KLHL32: variants seen among roughly 807,000 people sequenced by gnomAD.
KLHL32 encodes kelch-like protein 32.
KLHL32 carries 35 observed loss-of-function variants against 64.8 expected under a neutral mutation model. The ratio of observed to expected loss-of-function variants is 0.54; its 90% CI spans 0.41 to 0.72. The LOEUF (loss-of-function observed/expected upper bound fraction) is 0.72. Among genes scored for constraint, KLHL32 ranks in the 30% least tolerant of loss-of-function variants. The probability of loss-of-function intolerance (pLI) is 0.00; values close to 1 mark genes in which losing one functional copy is unlikely to be tolerated. For missense variants in KLHL32, 589 were observed against 768.5 expected (o/e 0.77, Z 2.76); for synonymous variants, 259 against 281.0 (o/e 0.92, Z 0.78).
At chr6:96,992,394 T>C (rs1341856389) in intron 3 of KLHL32, among the ~76,000 whole-genome samples, 2 of 152,236 alleles carry the variant, frequency 1.3e-5, no homozygotes, top group African/African-American at 2.4e-5. Flanking sequence ...GTGGATTGTA[T>C]TGCTTCCTTG....
upstream of KLHL32, among the ~76,000 whole-genome samples, chr6:96,924,175 A>G (rs1183554930): frequency 2.0e-5 from 3 of 152,198 alleles, no homozygotes; most frequent in African/African-American, 7.2e-5. Flanking sequence ...GGGCCACTGT[A>G]GGGCCGCTAG....
At chr6:96,994,448 G>C (rs1183377687) in intron 3 of KLHL32, 2 of 961,840 alleles carry the variant, frequency 2.1e-6, no homozygotes, top group Non-Finnish European at 2.5e-6. Flanking sequence ...ATATGTTCAA[G>C]TTAATTAAGT....
intron 3 of KLHL32, among the ~76,000 whole-genome samples, chr6:97,002,199 G>T (rs1323940250): frequency 6.6e-6 from 1 of 152,144 alleles, no homozygotes; most frequent in Non-Finnish European, 1.5e-5. Context: ...CTCAAAGACA[G>T]CCCGGCAGAG....
At chr6:97,105,626 CATA>C (rs1796306978) in intron 6 of KLHL32, 1 of 402,630 alleles carries the variant, frequency 2.5e-6, no homozygotes, top group Non-Finnish European at 5.0e-6. Context: ...TACATAGGAA[CATA>C]ATAATAGCTG....
At chr6:97,120,674 G>T (rs573071425) in intron 7 of KLHL32, among the ~76,000 whole-genome samples, 1 of 152,124 alleles carries the variant, frequency 6.6e-6, no homozygotes, top group Non-Finnish European at 1.5e-5. Context: ...TGTGTGTTGC[G>T]GGAGTAAGTA....
intron 3 of KLHL32, among the ~76,000 whole-genome samples, chr6:97,039,603 CA>C (rs1248790238): frequency 2.1e-5 from 3 of 143,856 alleles, no homozygotes; most frequent in African/African-American, 8.2e-5. Context: ...AGGCGGATCA[CA>C]AGGTCAGGAG....
chr6:97,114,633 T>G (rs1004917210), intron 7 of KLHL32, 124 bp downstream of exon 7: 1 of 1,133,496 alleles, frequency 8.8e-7, no homozygotes, highest in African/African-American at 1.5e-5. Context: ...CCATTTTAGC[T>G]AATTAACATT....
chr6:96,915,469 G>C, the KLHL32 span, among the ~76,000 whole-genome samples: 1 of 152,174 alleles, frequency 6.6e-6, no homozygotes, highest in Admixed American at 6.5e-5. Context: ...CCAGGTGCCC[G>C]AGAGCTCAGT....
intron 8 of KLHL32, among the ~76,000 whole-genome samples, chr6:97,129,826 T>C (rs986176499): frequency 9.9e-5 from 15 of 152,112 alleles, no homozygotes; most frequent in African/African-American, 3.6e-4. Flanking sequence ...GAGGTTGCAG[T>C]GAGCCGAGAT....
chr6:97,031,335 T>C (rs1296645659), intron 3 of KLHL32, among the ~76,000 whole-genome samples: 1 of 144,098 alleles, frequency 6.9e-6, no homozygotes, highest in Non-Finnish European at 1.5e-5. Flanking sequence ...GCATTAAGTT[T>C]TTAACATTTT....
intron 3 of KLHL32, among the ~76,000 whole-genome samples, chr6:97,016,308 C>T (rs574125650): frequency 2.2e-4 from 33 of 152,360 alleles, no homozygotes; most frequent in Admixed American, 1.1e-3. Flanking sequence ...CTGTACCCTG[C>T]GAAGCCACAG....
At chr6:96,969,177 T>C (rs757740046) in intron 2 of KLHL32, among the ~76,000 whole-genome samples, 6 of 152,150 alleles carry the variant, frequency 3.9e-5, no homozygotes, top group Non-Finnish European at 7.3e-5. Context: ...CTCAATCTGC[T>C]TATCTCCAAA....
intron 3 of KLHL32, among the ~76,000 whole-genome samples, chr6:97,027,286 GAC>G (rs1782864943): frequency 6.6e-6 from 1 of 152,136 alleles, no homozygotes; most frequent in South Asian, 2.1e-4. Flanking sequence ...ACCCATGACA[GAC>G]ATTATGACTA....
chr6:97,111,030 T>TTG (rs1260245483), intron 6 of KLHL32, among the ~76,000 whole-genome samples: 6 of 142,942 alleles, frequency 4.2e-5, no homozygotes, highest in African/African-American at 1.6e-4. Context: ...AGAAAAGTCT[T>TTG]GGGGGGGGGG....
chr6:96,906,203 G>C, the KLHL32 span, among the ~76,000 whole-genome samples: 208 of 152,328 alleles, frequency 1.4e-3, 1 homozygote, highest in African/African-American at 5.0e-3. Context: ...AGGGAACCCA[G>C]TTAAGCCTGC....
chr6:97,122,455 T>C (rs1484131078), intron 7 of KLHL32, among the ~76,000 whole-genome samples: 1 of 152,224 alleles, frequency 6.6e-6, no homozygotes, highest in African/African-American at 2.4e-5. Context: ...CAGTCTAATG[T>C]CATATAAAAA....
At chr6:96,905,410 C>T in the KLHL32 span, among the ~76,000 whole-genome samples, 1 of 152,286 alleles carries the variant, frequency 6.6e-6, no homozygotes, top group East Asian at 1.9e-4. Flanking sequence ...TCTGTCTGGT[C>T]CTTTCTCCCT....
chr6:96,990,921 T>C (rs1359973686), intron 3 of KLHL32, among the ~76,000 whole-genome samples: 1 of 152,128 alleles, frequency 6.6e-6, no homozygotes, highest in Non-Finnish European at 1.5e-5. Context: ...GAAGTACCAC[T>C]GCAGTGGCAG....
chr6:96,940,659 C>T (rs912745940), intron 1 of KLHL32, among the ~76,000 whole-genome samples: 3 of 152,320 alleles, frequency 2.0e-5, no homozygotes, highest in South Asian at 2.1e-4. Flanking sequence ...AGCTTCCCAA[C>T]TGGTAGAACA....
Sources: gnomAD v4.1 joint callset for allele counts (sites outside exome capture counted in the v4.1 genomes callset) on GRCh38, gnomAD v4.1.1 for gene constraint, MANE v1.5 for transcripts, NCBI Gene and HGNC (gene_info 2026-07-23, HGNC 2026-07-21) for gene names.